The following PDE10A variants were observed in gnomAD, a reference collection of about 807,000 sequenced individuals.
PDE10A encodes phosphodiesterase 10A, also known as cAMP and cAMP-inhibited cGMP 3',5'-cyclic phosphodiesterase 10A.
Under a neutral mutation model 97.7 loss-of-function variants are expected in PDE10A, and 39 were observed. The observed-to-expected ratio is 0.40, with a 90% confidence interval of 0.31 to 0.52. PDE10A has a LOEUF of 0.52. Among genes scored for constraint, PDE10A ranks in the 20% least tolerant of loss-of-function variants. The probability of loss-of-function intolerance (pLI) is 0.56; values close to 1 mark genes in which losing one functional copy is unlikely to be tolerated. For missense variants in PDE10A, 731 were observed against 1,047.8 expected, an observed-to-expected ratio of 0.70 and a Z score of 4.17; for synonymous variants, 371 against 376.8, an observed-to-expected ratio of 0.98 and a Z score of 0.18.
intron 1 of PDE10A, among the ~76,000 whole-genome samples, chr6:165,789,615 C>T (rs939770400): frequency 6.6e-5 from 10 of 152,164 alleles, no homozygotes; most frequent in African/African-American, 2.4e-4. Flanking sequence ...ATGGATTGTT[C>T]TCTGGAATAT....
rs576324737 is a variant in PDE10A, at chr6:165,560,836, A to G, written c.866-17268T>C. ...TAGAGGTGGGGGCTGCTGAGAGGTG[A>G]CTGGATTATGGGGTGGTGTCTAATC... On this transcript the variant is annotated intron_variant, in intron 1 of 21. Transcript: ENST00000539869. 9.2e-5 allele frequency among the ~76,000 whole-genome samples: 14 copies of G among 152,070 alleles called. No individual in the cohort carries two copies. The East Asian group carries it at 2.5e-3, about 27-fold the overall frequency.
chr6:165,778,178 T>C (rs1404134870), intron 1 of PDE10A, among the ~76,000 whole-genome samples: 1 of 152,074 alleles, frequency 6.6e-6, no homozygotes, highest in East Asian at 1.9e-4. Context: ...GGGTTCACGC[T>C]GTTCTCCTGC....
Position 165,583,356 on chromosome 6 carries a change from C to G in PDE10A, c.866-39788G>C, listed in dbSNP as rs926448117. On this transcript the variant is annotated intron_variant, in intron 1 of 21. Transcript: ENST00000539869. ...GCTTCTCCAAAGTTTACAAGTAAAA[C>G]AGTCAGATACTCCAGGAGGCCAAAA... 3.3e-5 allele frequency among the ~76,000 whole-genome samples: 5 copies of G among 152,308 alleles called. No homozygotes were observed. The East Asian group carries it at 7.7e-4, about 24-fold the overall frequency.
At chr6:165,461,951 G>A (rs1778352139) in intron 3 of PDE10A, among the ~76,000 whole-genome samples, 1 of 152,202 alleles carries the variant, frequency 6.6e-6, no homozygotes, top group Admixed American at 6.5e-5. Flanking sequence ...TGTCACACAT[G>A]TTCCCTCGTT....
At chr6:165,380,122 G>A (rs1304517836) in intron 17 of PDE10A, among the ~76,000 whole-genome samples, 1 of 152,014 alleles carries the variant, frequency 6.6e-6, no homozygotes, top group Non-Finnish European at 1.5e-5. Context: ...TATTCCTGTG[G>A]AAATTTTAAG....
At chr6:165,599,860 G>C (rs911078813) in intron 1 of PDE10A, among the ~76,000 whole-genome samples, 1 of 152,036 alleles carries the variant, frequency 6.6e-6, no homozygotes, top group East Asian at 1.9e-4. Context: ...ACACAGACTC[G>C]CCTAGGAACG....
At chr6:165,915,128 T>C (rs1562796248) in intron 1 of PDE10A, among the ~76,000 whole-genome samples, 1 of 152,098 alleles carries the variant, frequency 6.6e-6, no homozygotes, top group African/African-American at 2.4e-5. Context: ...TTAGAGTGTG[T>C]TCAAAACCAA....
chr6:165,365,326 T>C (rs899088484), intron 18 of PDE10A, among the ~76,000 whole-genome samples: 1 of 152,094 alleles, frequency 6.6e-6, no homozygotes, highest in Non-Finnish European at 1.5e-5. Flanking sequence ...GACCAAGAGA[T>C]GGAATAAAGT....
At chr6:165,823,452 A>T (rs1779628151) in intron 1 of PDE10A, among the ~76,000 whole-genome samples, 1 of 128,470 alleles carries the variant, frequency 7.8e-6, no homozygotes, top group African/African-American at 2.8e-5. Context: ...ATTCTTCTGG[A>T]TACCGCCTGG....
At chr6:165,445,285 A>G (rs1015750598) in intron 5 of PDE10A, among the ~76,000 whole-genome samples, 2 of 152,240 alleles carry the variant, frequency 1.3e-5, no homozygotes, top group African/African-American at 4.8e-5. Flanking sequence ...AATATATTTT[A>G]CCCATCTTTT....
intron 1 of PDE10A, among the ~76,000 whole-genome samples, chr6:165,638,508 A>G (rs1788983878): frequency 6.6e-6 from 1 of 152,246 alleles, no homozygotes; most frequent in Admixed American, 6.5e-5. Context: ...GGACGCATGT[A>G]ATACACATTC....
At position 165,372,838 on chromosome 6, in the gene PDE10A, G is replaced by C. The variant is rs529428059; in HGVS notation, c.2783+6356C>G. 4.6e-5 allele frequency among the ~76,000 whole-genome samples: 7 copies of C among 150,718 alleles called. No individual in the cohort carries two copies. The South Asian group carries it at 1.5e-3, about 32-fold the overall frequency. On this transcript the variant is annotated intron_variant, in intron 18 of 21. Transcript: ENST00000539869. ...ACCTGACTTCAAAGTATACTACAAG[G>C]CTACAGTAACCAAAACAGCATGGTA...
At chr6:165,794,367 ACT>A (rs879435750) in intron 1 of PDE10A, among the ~76,000 whole-genome samples, 6 of 150,522 alleles carry the variant, frequency 4.0e-5, no homozygotes, top group Non-Finnish European at 7.4e-5. Context: ...GCTCACACAC[ACT>A]CATACAATCC....
At chr6:165,401,612 T>C (rs1447697432) in intron 13 of PDE10A, among the ~76,000 whole-genome samples, 2 of 152,164 alleles carry the variant, frequency 1.3e-5, no homozygotes, top group African/African-American at 4.8e-5. Context: ...ACCGTGATTT[T>C]TTTTCTAACT....
chr6:165,513,827 CTTAT>C (rs1781644969), intron 2 of PDE10A, among the ~76,000 whole-genome samples: 1 of 151,998 alleles, frequency 6.6e-6, no homozygotes, highest in Admixed American at 6.6e-5. Flanking sequence ...AGAAATACTA[CTTAT>C]TTTTGTACAT....
At chr6:165,670,745 G>T (rs10946090) in intron 1 of PDE10A, among the ~76,000 whole-genome samples, 59,736 of 151,736 alleles carry the variant, frequency 0.39, 12,490 homozygotes, top group Non-Finnish European at 0.46. Flanking sequence ...TAGTTAGAAG[G>T]GGTAAACAGG....
At chr6:165,476,916 C>G (rs1779328560) in intron 3 of PDE10A, among the ~76,000 whole-genome samples, 2 of 152,144 alleles carry the variant, frequency 1.3e-5, no homozygotes, top group South Asian at 4.1e-4. Context: ...AACTCAGCAT[C>G]CAAATACTCT....
chr6:165,848,561 G>T (rs532511744), intron 1 of PDE10A, among the ~76,000 whole-genome samples: 1 of 152,068 alleles, frequency 6.6e-6, no homozygotes, highest in Admixed American at 6.6e-5. Context: ...CACACCATGC[G>T]GGAAAAATCA....
intron 13 of PDE10A, among the ~76,000 whole-genome samples, chr6:165,405,157 T>G (rs1445056335): frequency 6.6e-6 from 1 of 152,074 alleles, no homozygotes; most frequent in Non-Finnish European, 1.5e-5. Flanking sequence ...AGTAGGGGCA[T>G]TGGAAAAATG....
Sources: gnomAD v4.1 joint callset for allele counts (sites outside exome capture counted in the v4.1 genomes callset) on GRCh38, gnomAD v4.1.1 for gene constraint, MANE v1.5 for transcripts, NCBI Gene and HGNC (gene_info 2026-07-23, HGNC 2026-07-21) for gene names.